The following ELP1 variants were observed in gnomAD, a reference collection of about 807,000 sequenced individuals.
ELP1 encodes elongator acetyltransferase complex subunit 1, also known as elongator complex protein 1.
A neutral mutation model predicts 183.2 loss-of-function variants in ELP1; 131 were observed. That is an observed-to-expected ratio of 0.72 (90% CI 0.62 to 0.83). The LOEUF (loss-of-function observed/expected upper bound fraction) is 0.83, where lower values mean the gene tolerates loss of function less well. Among genes scored for constraint, ELP1 ranks in the 40% least tolerant of loss-of-function variants. The probability of loss-of-function intolerance (pLI) is 0.00; values close to 1 mark genes in which losing one functional copy is unlikely to be tolerated. For synonymous variants in ELP1, 555 were observed against 569.0 expected (o/e 0.98, Z 0.35); for missense variants, 1,550 against 1,594.9 (o/e 0.97, Z 0.48).
intron 28 of ELP1, among the ~76,000 whole-genome samples, chr9:108,890,248 C>G (rs186627145): frequency 7.2e-4 from 109 of 152,076 alleles, no homozygotes; most frequent in African/African-American, 2.6e-3. Flanking sequence ...TAAAAAGAGG[C>G]CAGCATGGAA....
chr9:108,870,602 A>C (rs981642752), intron 36 of ELP1, among the ~76,000 whole-genome samples: 1 of 152,074 alleles, frequency 6.6e-6, no homozygotes, highest in African/African-American at 2.4e-5. Context: ...GTTAAAGAGG[A>C]GGCAAGAGAG....
chr9:108,929,523 T>C (rs1443148905), intron 3 of ELP1, among the ~76,000 whole-genome samples: 1 of 152,242 alleles, frequency 6.6e-6, no homozygotes, highest in African/African-American at 2.4e-5. Flanking sequence ...TAAAAAAATA[T>C]ATTCTCATTT....
In ELP1 at chr9:108,931,081, C is replaced by T. The variant is rs2132052950; in HGVS notation, c.66G>A (p.Gln22=). ...CCTGTTCAGTTCGGAGAGAGAAGCA[C>T]TGAGGATTCCCTGGACCTTGAATAT... ...FRDIQGPGNP[Q]CFSLRTEQGT... The change falls in exon 2 of 37, where the codon CAG becomes CAA. Residue 22 remains glutamine, a synonymous_variant. Transcript: ENST00000374647. 2 of 1,614,054 alleles carry T rather than the reference C, an allele frequency of 1.2e-6. No individual in the cohort carries two copies. The highest frequency in any genetic ancestry group is 1.7e-6 in the Non-Finnish European group (2 of 1,179,932).
chr9:108,878,342 G>T (rs1317552686), intron 34 of ELP1, among the ~76,000 whole-genome samples, 193 bp from the exon 35 acceptor site: 1 of 152,134 alleles, frequency 6.6e-6, no homozygotes, highest in South Asian at 2.1e-4. Flanking sequence ...AAGCACGCTG[G>T]GGGGCCTACG....
In ELP1 at chr9:108,878,743, A is replaced by G. The variant is rs2118936313; in HGVS notation, c.3580T>C (p.Ser1194Pro). 1 of 1,614,066 alleles carries G rather than the reference A, an allele frequency of 6.2e-7. No homozygotes were observed. The highest frequency in any genetic ancestry group is 1.1e-5 in the South Asian group (1 of 91,086). ...CGCTCCGCTTTTCGGCGATTCTTGG[A>G]TGATCTCCTGTTAGAAATTACACAG... Reference protein sequence around the residue: ...HSNSRISARSSKNRRKAERKK... With the variant: ...HSNSRISARSPKNRRKAERKK... The change falls in exon 34 of 37, where the codon TCC becomes CCC. Residue 1194 changes from serine to proline, a missense_variant. By Grantham distance (74) the Ser-to-Pro change is moderately conservative. Coordinates refer to ENST00000374647, the MANE Select transcript of ELP1 (RefSeq NM_003640.5).
chr9:108,908,548 G>A, intron 12 of ELP1, 144 bp from the exon 13 acceptor site: 1 of 686,558 alleles, frequency 1.5e-6, no homozygotes, highest in Non-Finnish European at 2.6e-6. Flanking sequence ...TAAAATTTCT[G>A]CTTTCCTCTT....
At chr9:108,933,110 G>T (rs867862206) in intron 1 of ELP1, among the ~76,000 whole-genome samples, 3 of 152,114 alleles carry the variant, frequency 2.0e-5, no homozygotes, top group Non-Finnish European at 4.4e-5. Flanking sequence ...TCAACCTCCT[G>T]ATAGAATCAC....
chr9:108,927,242 G>A (rs774413583), intron 4 of ELP1, 130 bp downstream of exon 4: 15 of 743,758 alleles, frequency 2.0e-5, no homozygotes, highest in Non-Finnish European at 3.2e-5. Context: ...GTATTATACT[G>A]GTTCATAATT....
chr9:108,882,345 TA>T (rs1441428075), intron 29 of ELP1, among the ~76,000 whole-genome samples, 158 bp from the exon 30 acceptor site: 3 of 152,124 alleles, frequency 2.0e-5, no homozygotes, highest in African/African-American at 7.2e-5. Flanking sequence ...CATGACTCCA[TA>T]AATATTGATA....
chr9:108,889,396 G>A lies in ELP1; in HGVS notation c.3161-3C>T. The A allele has an allele frequency of 3.1e-6, 5 of 1,613,978 alleles. No individual in the cohort carries two copies. Among genetic ancestry groups the A allele is most frequent in the Non-Finnish European group, 4.2e-6 (5 of 1,179,880 alleles). On this transcript the variant is annotated splice_polypyrimidine_tract_variant and splice_region_variant and intron_variant, in intron 28 of 36. Transcript: ENST00000374647. Reference sequence around the variant, plus strand: ...CTTCCTCTGCTCAACCAGCTTTCCTGTAGAGACAATAAGCAGCAGTTGACT... The same window carrying A: ...CTTCCTCTGCTCAACCAGCTTTCCTATAGAGACAATAAGCAGCAGTTGACT...
At position 108,878,064 on chromosome 9, in the gene ELP1, C is replaced by G. The variant is rs775118324; in HGVS notation, c.3786G>C (p.Thr1262=). ...GAAGTGACCTTTCCATCAACTGCAG[C>G]GTATCTTCAAAGGCCTTCTGTAATT... is the stretch of plus-strand genomic sequence containing the variant. ...GRELQKAFED[T]LQLMERSLPE... is the part of the protein sequence containing the mutation. The change falls in exon 35 of 37, where the codon ACG becomes ACC. Residue 1262 remains threonine (T), a synonymous_variant. Transcript: ENST00000374647. 1 of 1,613,932 alleles carries G rather than the reference C, an allele frequency of 6.2e-7. No individual in the cohort carries two copies. Among genetic ancestry groups the G allele is most frequent in the Non-Finnish European group, 8.5e-7 (1 of 1,179,832 alleles).
chr9:108,891,159 T>G (rs749498882), intron 28 of ELP1, 44 bp downstream of exon 28: 2 of 1,588,088 alleles, frequency 1.3e-6, no homozygotes, highest in Non-Finnish European at 1.7e-6. Context: ...AAATAAATTT[T>G]TTAAAACCTT....
At chr9:108,902,989 G>A in intron 15 of ELP1, 47 bp from the exon 16 acceptor site, 1 of 1,406,332 alleles carries the variant, frequency 7.1e-7, no homozygotes, top group South Asian at 1.2e-5. Flanking sequence ...TGCGCTCTTT[G>A]CAAAAAACCA....
intron 27 of ELP1, 46 bp downstream of exon 27, chr9:108,892,940 A>G: frequency 1.5e-6 from 2 of 1,377,556 alleles, no homozygotes; most frequent in Non-Finnish European, 2.1e-6. Flanking sequence ...TTCCTACTAA[A>G]GCAAAAAGCA....
At chr9:108,896,113 C>T (rs545027840) in intron 25 of ELP1, among the ~76,000 whole-genome samples, 13 of 151,982 alleles carry the variant, frequency 8.6e-5, no homozygotes, top group South Asian at 2.1e-4. Flanking sequence ...AAAAATTAGC[C>T]GGGCGTGGTG....
At position 108,931,290 on chromosome 9, in the gene ELP1, A is replaced by T. The variant is rs942113192; in HGVS notation, c.-55-89T>A. ...AGGGGGTGAAGAAGTGGTAGTCAGA[A>T]TCAGAATAACCAAGAAAAGAAAAAA... On this transcript the variant is annotated intron_variant, in intron 1 of 36. Transcript: ENST00000374647. 14 of 887,762 alleles carry T rather than the reference A, an allele frequency of 1.6e-5. No homozygotes were observed. In the Admixed American group the frequency reaches 2.1e-4, roughly 14 times the overall value. The allele number at this position is 887,762 out of a possible 1,614,324, so 55.0% of individuals were successfully genotyped here.
At chr9:108,875,837 G>C (rs1015359348) in intron 35 of ELP1, 1 of 287,570 alleles carries the variant, frequency 3.5e-6, no homozygotes, top group Non-Finnish European at 6.9e-6. Flanking sequence ...CCAGGCATTC[G>C]AGGCTGCACC....
At chr9:108,916,754 C>A (rs1029791354) in intron 9 of ELP1, among the ~76,000 whole-genome samples, 1 of 152,040 alleles carries the variant, frequency 6.6e-6, no homozygotes, top group South Asian at 2.1e-4. Context: ...CAAAGAGTTG[C>A]GGACCGATGA....
In ELP1 at chr9:108,902,720, A is replaced by G; in HGVS notation, c.1854+119T>C. The G allele has an allele frequency of 2.1e-5, 16 of 751,850 alleles. No individual in the cohort carries two copies. In the South Asian group the frequency reaches 2.3e-4, roughly 11 times the overall value. The allele number at this position is 751,850 out of a possible 1,614,324, so 46.6% of individuals were successfully genotyped here. On this transcript the variant is annotated intron_variant, in intron 16 of 36. Coordinates refer to ENST00000374647, the MANE Select transcript of ELP1 (RefSeq NM_003640.5). ...TATGAAAGTGAGATCATTTCCCACT[A>G]TTGTCTAGGCATTTAGTGGAGACCC...
Sources: gnomAD v4.1 joint callset for allele counts (sites outside exome capture counted in the v4.1 genomes callset) on GRCh38, gnomAD v4.1.1 for gene constraint, MANE v1.5 for transcripts, NCBI Gene and HGNC (gene_info 2026-07-23, HGNC 2026-07-21) for gene names.